The following GLT8D2 variants were observed in gnomAD, a reference collection of about 807,000 sequenced individuals.
GLT8D2 encodes glycosyltransferase 8 domain containing 2.
A neutral mutation model predicts 44.5 loss-of-function variants in GLT8D2; 45 were observed. The observed-to-expected ratio is 1.01, with a 90% CI of 0.80 to 1.30. The LOEUF (loss-of-function observed/expected upper bound fraction) is 1.30. Among genes scored for constraint, GLT8D2 ranks in the 50% most tolerant of loss-of-function variants. The probability of loss-of-function intolerance (pLI) is 0.00; values close to 1 mark genes in which losing one functional copy is unlikely to be tolerated. For synonymous variants in GLT8D2, 156 were observed against 157.2 expected (o/e 0.99, Z 0.06); for missense variants, 400 against 430.4 (o/e 0.93, Z 0.62).
chr12:104,048,137 A>G (rs1243633138), intron 1 of GLT8D2, among the ~76,000 whole-genome samples: 1 of 152,216 alleles, frequency 6.6e-6, no homozygotes, highest in Non-Finnish European at 1.5e-5. Flanking sequence ...CTTGAGAAGG[A>G]AAAACAAGGC....
At chr12:103,991,329 G>A (rs927509618) in intron 10 of GLT8D2, among the ~76,000 whole-genome samples, 3 of 152,132 alleles carry the variant, frequency 2.0e-5, no homozygotes, top group African/African-American at 7.2e-5. Context: ...TGGGATTACA[G>A]GTGTGTGCCA....
In GLT8D2 at chr12:104,032,466, C is replaced by CAAAAAAA. The variant is rs547392677; in HGVS notation, c.-163-10982_-163-10976dup. 3.5e-3 allele frequency among the ~76,000 whole-genome samples: 209 copies of CAAAAAAA among 59,626 alleles called. 6 individuals are homozygous for CAAAAAAA. The highest frequency in any genetic ancestry group is 8.5e-3 in the African/African-American group (128 of 14,982). The allele number at this position is 59,626 out of a possible 152,430, so 39.1% of individuals were successfully genotyped here. ...ATAATAAAGGAGTGATGTGCAATAG[C>CAAAAAAA]AAAAAAAAAAAAAAAAAAAAAAAAA... On this transcript the variant is annotated intron_variant, in intron 1 of 10. Coordinates refer to ENST00000360814, the MANE Select transcript of GLT8D2 (RefSeq NM_001384711.1).
At chr12:103,996,184 G>A (rs992036939) in intron 8 of GLT8D2, among the ~76,000 whole-genome samples, 6 of 152,156 alleles carry the variant, frequency 3.9e-5, no homozygotes, top group Non-Finnish European at 2.9e-5. Context: ...TACCCCTTCG[G>A]TTTCAGCATT....
chr12:104,046,983 A>G (rs1881219365), intron 1 of GLT8D2, among the ~76,000 whole-genome samples: 1 of 151,472 alleles, frequency 6.6e-6, no homozygotes, highest in Admixed American at 6.6e-5. Flanking sequence ...CACCACCACC[A>G]CATCCAGCTA....
chr12:104,035,619 A>G (rs1279676837), intron 1 of GLT8D2, among the ~76,000 whole-genome samples: 2 of 152,220 alleles, frequency 1.3e-5, no homozygotes, highest in African/African-American at 2.4e-5. Flanking sequence ...AGTTAAAAGA[A>G]AAAAGAGTAA....
chr12:104,017,514 G>C, intron 3 of GLT8D2, among the ~76,000 whole-genome samples: 2 of 152,178 alleles, frequency 1.3e-5, no homozygotes, highest in South Asian at 4.1e-4. Context: ...GTAGAGACAG[G>C]GTTTCACCAT....
chr12:104,033,806 G>A (rs929666740), intron 1 of GLT8D2, among the ~76,000 whole-genome samples: 23 of 145,882 alleles, frequency 1.6e-4, no homozygotes, highest in African/African-American at 3.8e-4. Context: ...GTGTGTGTGT[G>A]TATATATATA....
At chr12:104,025,632 C>T (rs1235327404) in intron 1 of GLT8D2, among the ~76,000 whole-genome samples, 1 of 152,126 alleles carries the variant, frequency 6.6e-6, no homozygotes, top group African/African-American at 2.4e-5. Context: ...TTAATATTTA[C>T]ATTCAGAGTT....
chr12:104,003,402 G>T, intron 4 of GLT8D2, 96 bp from the exon 5 acceptor site: 1 of 1,027,624 alleles, frequency 9.7e-7, no homozygotes, highest in Non-Finnish European at 1.5e-6. Flanking sequence ...AGATGGCATA[G>T]TGTGGAAGAG....
intron 3 of GLT8D2, among the ~76,000 whole-genome samples, chr12:104,017,067 GTGCATGAAATGAC>G (rs1876973145): frequency 6.6e-6 from 1 of 152,148 alleles, no homozygotes; most frequent in African/African-American, 2.4e-5. Flanking sequence ...AGCACTGGTT[GTGCATGAAATGAC>G]TGAGGAAGTT....
intron 1 of GLT8D2, among the ~76,000 whole-genome samples, chr12:104,057,362 A>G (rs1882258856): frequency 6.6e-6 from 1 of 152,158 alleles, no homozygotes; most frequent in African/African-American, 2.4e-5. Flanking sequence ...CTCTACAAAA[A>G]ATAAAAAAGT....
At chr12:104,015,142 A>G (rs1414107339) in intron 3 of GLT8D2, 37 bp from the exon 4 acceptor site, 1 of 1,506,804 alleles carries the variant, frequency 6.6e-7, no homozygotes, top group Admixed American at 1.7e-5. Flanking sequence ...CATTGAACCT[A>G]TGAACCTGAA....
At chr12:104,062,803 CTTGTA>C (rs1249802211) in intron 1 of GLT8D2, among the ~76,000 whole-genome samples, 1 of 152,078 alleles carries the variant, frequency 6.6e-6, no homozygotes, top group Non-Finnish European at 1.5e-5. Context: ...TAAAAAATAA[CTTGTA>C]TTGTGGATAT....
At chr12:104,038,911 T>C (rs1374221697) in intron 1 of GLT8D2, among the ~76,000 whole-genome samples, 1 of 152,070 alleles carries the variant, frequency 6.6e-6, no homozygotes, top group Non-Finnish European at 1.5e-5. Flanking sequence ...AAGGCTACAG[T>C]AACCAAAATA....
intron 1 of GLT8D2, among the ~76,000 whole-genome samples, chr12:104,027,213 T>C (rs1193813928): frequency 7.2e-5 from 11 of 152,290 alleles, no homozygotes; most frequent in African/African-American, 2.6e-4. Context: ...GGAAAAGAAA[T>C]GGGTCAAAAC....
chr12:104,022,331 A>T (rs1386006447), intron 1 of GLT8D2, among the ~76,000 whole-genome samples: 3 of 152,174 alleles, frequency 2.0e-5, no homozygotes, highest in Non-Finnish European at 4.4e-5. Context: ...GGAAAGAAAG[A>T]GATCCCTGGA....
At chr12:104,008,492 A>G (rs796954070) in intron 4 of GLT8D2, among the ~76,000 whole-genome samples, 45 of 152,352 alleles carry the variant, frequency 3.0e-4, no homozygotes, top group African/African-American at 1.0e-3. Context: ...AAAGGCATTC[A>G]GTTTTATAAG....
At chr12:104,057,830 C>T (rs1218456176) in intron 1 of GLT8D2, among the ~76,000 whole-genome samples, 3 of 151,932 alleles carry the variant, frequency 2.0e-5, no homozygotes, top group African/African-American at 7.2e-5. Flanking sequence ...TTCTTTTTTT[C>T]CCCCCTTGCT....
chr12:104,035,957 T>A (rs1879883225), intron 1 of GLT8D2, among the ~76,000 whole-genome samples: 2 of 152,160 alleles, frequency 1.3e-5, no homozygotes, highest in Non-Finnish European at 2.9e-5. Context: ...CCCATCAGAC[T>A]AACAGCAGAT....
Sources: gnomAD v4.1 joint callset for allele counts (sites outside exome capture counted in the v4.1 genomes callset) on GRCh38, gnomAD v4.1.1 for gene constraint, MANE v1.5 for transcripts, NCBI Gene and HGNC (gene_info 2026-07-23, HGNC 2026-07-21) for gene names.